The following ABHD18 variants were observed in gnomAD, a reference collection of about 807,000 sequenced individuals.
The protein encoded by ABHD18 is cardiolipin-specific deacylase, mitochondrial.
ABHD18 carries 55 observed loss-of-function variants against 65.9 expected under a neutral mutation model. The ratio of observed to expected loss-of-function variants is 0.84; its 90% CI spans 0.67 to 1.05. The LOEUF (loss-of-function observed/expected upper bound fraction) is 1.05, where lower values mean the gene tolerates loss of function less well. ABHD18 is among the 50% of genes least tolerant of loss of function. ABHD18 has a pLI of 0.00. For synonymous variants in ABHD18, 181 were observed against 180.2 expected (o/e 1.00, Z -0.04); for missense variants, 533 against 558.5 (o/e 0.95, Z 0.46).
chr4:127,970,520 CG>C (rs1232147253), intron 1 of ABHD18, among the ~76,000 whole-genome samples: 1 of 139,628 alleles, frequency 7.2e-6, no homozygotes, highest in African/African-American at 2.7e-5. Context: ...ACCCGGGAGA[CG>C]GAGGTTGTGG....
chr4:127,988,371 C>G (rs934463550), intron 3 of ABHD18, among the ~76,000 whole-genome samples: 1 of 152,140 alleles, frequency 6.6e-6, no homozygotes, highest in Non-Finnish European at 1.5e-5. Flanking sequence ...GCTGGGACCA[C>G]AACCACATGC....
intron 7 of ABHD18, among the ~76,000 whole-genome samples, chr4:128,016,729 C>T (rs1579387867): frequency 0.12 from 1 of 8 alleles, no homozygotes; most frequent in Non-Finnish European, 0.25. Context: ...GAGCCAAGAT[C>T]CATGCCACTG....
At chr4:128,033,134 G>T (rs879867595) in intron 12 of ABHD18, among the ~76,000 whole-genome samples, 2 of 152,026 alleles carry the variant, frequency 1.3e-5, no homozygotes, top group Non-Finnish European at 2.9e-5. Context: ...GGTGCCTGTA[G>T]TCCCAGCTAC....
At chr4:128,028,308 A>ATCC (rs1757671347) in intron 10 of ABHD18, among the ~76,000 whole-genome samples, 167 bp from the exon 11 acceptor site, 1 of 151,688 alleles carries the variant, frequency 6.6e-6, no homozygotes, top group African/African-American at 2.4e-5. Flanking sequence ...ATGTGTCAGA[A>ATCC]TTTCATTCCT....
chr4:128,034,383 T>C (rs1758634158), intron 12 of ABHD18, among the ~76,000 whole-genome samples: 1 of 152,164 alleles, frequency 6.6e-6, no homozygotes, highest in South Asian at 2.1e-4. Context: ...GCTATAAAAA[T>C]GTATTATACA....
At chr4:128,016,724 A>C (rs1414227122) in intron 7 of ABHD18, among the ~76,000 whole-genome samples, 1 of 152 alleles carries the variant, frequency 6.6e-3, no homozygotes, top group African/African-American at 0.029. Context: ...GCAGTGAGCC[A>C]AGATCCATGC....
chr4:127,979,541 C>T (rs1405728475), intron 1 of ABHD18, among the ~76,000 whole-genome samples: 1 of 151,698 alleles, frequency 6.6e-6, no homozygotes, highest in East Asian at 2.0e-4. Flanking sequence ...GGCGACAATG[C>T]GAGACTCTGT....
chr4:128,022,223 T>G (rs931193727), intron 10 of ABHD18, among the ~76,000 whole-genome samples: 1 of 152,190 alleles, frequency 6.6e-6, no homozygotes, highest in African/African-American at 2.4e-5. Flanking sequence ...GAACTTAAAG[T>G]GTAATAATAA....
In ABHD18 at chr4:127,982,920, T is replaced by A. The variant is rs1160362270; in HGVS notation, c.-17-19T>A. On this transcript the variant is annotated intron_variant, in intron 1 of 12. Coordinates refer to ENST00000645843, the MANE Select transcript of ABHD18 (RefSeq NM_001358451.3). ...AACAAATAAAATATTTTAAAGCCAT[T>A]TTAAATTTTGTTTTATAGATGCTTG... 1 of 1,333,856 alleles carries A rather than the reference T, an allele frequency of 7.5e-7. No homozygotes were observed. Among genetic ancestry groups the A allele is most frequent in the Non-Finnish European group, 1.0e-6 (1 of 985,992 alleles). 82.6% of individuals were successfully genotyped at this position (1,333,856 alleles called of 1,614,324 possible). A position where few individuals can be genotyped will look rare whatever the true frequency, so the allele number is the denominator to read the frequency against.
At chr4:128,017,534 A>T in intron 8 of ABHD18, 33 bp downstream of exon 8, 1 of 1,547,084 alleles carries the variant, frequency 6.5e-7, no homozygotes, top group Non-Finnish European at 8.7e-7. Context: ...ACATTTAATT[A>T]TGTTTATGTT....
intron 1 of ABHD18, among the ~76,000 whole-genome samples, chr4:127,979,783 C>CT (rs1243919701): frequency 6.6e-6 from 1 of 151,500 alleles, no homozygotes; most frequent in Non-Finnish European, 1.5e-5. Context: ...GGGCGTGCTG[C>CT]TGTGTGCCTG....
chr4:128,026,390 G>C (rs996971560), intron 10 of ABHD18, among the ~76,000 whole-genome samples: 1 of 151,700 alleles, frequency 6.6e-6, no homozygotes. Context: ...ACCCAAAAGG[G>C]TGAAGTTGCA....
At chr4:128,033,524 CTTT>C (rs869099600) in intron 12 of ABHD18, among the ~76,000 whole-genome samples, 34 of 108,624 alleles carry the variant, frequency 3.1e-4, no homozygotes, top group East Asian at 2.3e-3. Context: ...CAAAGATAGT[CTTT>C]TTTTTTTTTT....
At chr4:128,011,234 G>A (rs1054562272) in intron 6 of ABHD18, among the ~76,000 whole-genome samples, 13 of 149,590 alleles carry the variant, frequency 8.7e-5, no homozygotes, top group Admixed American at 4.0e-4. Flanking sequence ...TGCAGGCTCC[G>A]CCCCCCAGGG....
Position 128,007,076 on chromosome 4 carries a change from T to G in ABHD18, c.279-1844T>G, listed in dbSNP as rs185601306. ...AGGAGAATCACCTGAACCTGGGAGG[T>G]GGAAGTTGCAGTGAGCCAAGATCAT... On this transcript the variant is annotated intron_variant, in intron 4 of 12. Transcript: ENST00000645843. Among the ~76,000 whole-genome samples, 666 of 150,986 alleles carry G rather than the reference T, an allele frequency of 4.4e-3. 4 individuals are homozygous for G. Among genetic ancestry groups the G allele is most frequent in the Middle Eastern group, 0.01 (3 of 290 alleles).
chr4:127,997,749 C>A (rs1241619570), intron 4 of ABHD18, among the ~76,000 whole-genome samples: 1 of 152,154 alleles, frequency 6.6e-6, no homozygotes, highest in East Asian at 1.9e-4. Context: ...AAAACTTAGT[C>A]ATTTCTTACT....
At chr4:127,971,345 A>G (rs893164934) in intron 1 of ABHD18, among the ~76,000 whole-genome samples, 46 of 151,784 alleles carry the variant, frequency 3.0e-4, no homozygotes, top group Non-Finnish European at 8.8e-5. Context: ...CAAAAGATAT[A>G]TTGATGCTGT....
At chr4:127,979,638 G>A (rs1012905717) in intron 1 of ABHD18, among the ~76,000 whole-genome samples, 1 of 152,078 alleles carries the variant, frequency 6.6e-6, no homozygotes, top group African/African-American at 2.4e-5. Context: ...AATGGCGGCC[G>A]GGCGCAGTGG....
At chr4:128,022,790 GT>G (rs1429941175) in intron 10 of ABHD18, among the ~76,000 whole-genome samples, 1 of 109,570 alleles carries the variant, frequency 9.1e-6, no homozygotes, top group African/African-American at 3.5e-5. Flanking sequence ...TTTTTTCTCT[GT>G]CTTGCTGTGT....
Sources: gnomAD v4.1 joint callset for allele counts (sites outside exome capture counted in the v4.1 genomes callset) on GRCh38, gnomAD v4.1.1 for gene constraint, MANE v1.5 for transcripts, NCBI Gene and HGNC (gene_info 2026-07-23, HGNC 2026-07-21) for gene names.